Variants in MYH10 observed in about 807,000 individuals in gnomAD.
The protein encoded by MYH10 is myosin heavy chain 10, also known as myosin-10.
Under a neutral mutation model 257.8 loss-of-function variants are expected in MYH10, and 55 were observed. That is an observed-to-expected ratio of 0.21 (90% CI 0.17 to 0.27). The LOEUF (loss-of-function observed/expected upper bound fraction) is 0.27. Ranked by LOEUF, MYH10 falls within the 10% of genes least tolerant of loss-of-function variation. The pLI is 1.00. For missense variants in MYH10, 1,631 were observed against 2,500.6 expected (o/e 0.65, Z 7.42); for synonymous variants, 854 against 921.7 (o/e 0.93, Z 1.33).
At chr17:8,493,577 C>T (rs1916103622) in intron 32 of MYH10, among the ~76,000 whole-genome samples, 156 bp downstream of exon 32, 1 of 152,176 alleles carries the variant, frequency 6.6e-6, no homozygotes, top group African/African-American at 2.4e-5. Flanking sequence ...TTATAACCAG[C>T]ATGTGGCTGG....
At chr17:8,478,494 G>A in intron 40 of MYH10, 48 bp from the exon 41 acceptor site, 1 of 1,564,140 alleles carries the variant, frequency 6.4e-7, no homozygotes, top group Non-Finnish European at 8.8e-7. Context: ...ATGGTATTTT[G>A]TGTGGGAAAA....
At chr17:8,577,095 G>A in intron 5 of MYH10, 141 bp downstream of exon 5, 1 of 595,900 alleles carries the variant, frequency 1.7e-6, no homozygotes, top group South Asian at 2.9e-5. Context: ...AAAAAGCATT[G>A]CTGGGTAGGT....
chr17:8,515,548 T>TA (rs2081439449), intron 21 of MYH10, among the ~76,000 whole-genome samples: 2 of 140,258 alleles, frequency 1.4e-5, no homozygotes. Flanking sequence ...TTTTTTTTTT[T>TA]TTTTTTTTTT....
chr17:8,557,016 C>A (rs1017460414), intron 7 of MYH10, among the ~76,000 whole-genome samples: 1 of 152,068 alleles, frequency 6.6e-6, no homozygotes, highest in Non-Finnish European at 1.5e-5. Context: ...GCTTATGGTG[C>A]CAGGCAGCTT....
intron 1 of MYH10, among the ~76,000 whole-genome samples, chr17:8,628,885 A>G (rs891189580): frequency 3.3e-5 from 5 of 152,154 alleles, no homozygotes; most frequent in Non-Finnish European, 7.3e-5. Flanking sequence ...TGATTTCCCT[A>G]TGGAGCCCAA....
rs534698355 is a variant in MYH10 at position 8,571,059 on chromosome 17, A to T, written c.664-1247T>A. Among the ~76,000 whole-genome samples the T allele has an allele frequency of 8.4e-4, 128 of 152,298 alleles. 1 individual carries two copies. Among genetic ancestry groups the T allele is most frequent in the African/African-American group, 3.0e-3 (123 of 41,564 alleles). ...TTGTCAAGAACCTCAAGCTACGTGG[A>T]TGTCATTACATGGCATCGGTTTATT... On this transcript the variant is annotated intron_variant, in intron 6 of 42. Coordinates refer to ENST00000360416, the MANE Select transcript of MYH10 (RefSeq NM_001256012.3).
intron 30 of MYH10, 127 bp downstream of exon 30, chr17:8,499,143 C>T (rs760451247): frequency 2.5e-6 from 2 of 808,104 alleles, no homozygotes; most frequent in Non-Finnish European, 4.0e-6. Flanking sequence ...GATGTATTTA[C>T]TGGATAGCAA....
At chr17:8,479,838 G>C (rs1464173987) in intron 40 of MYH10, among the ~76,000 whole-genome samples, 1 of 152,210 alleles carries the variant, frequency 6.6e-6, no homozygotes, top group Non-Finnish European at 1.5e-5. Flanking sequence ...TCGACTTTGG[G>C]TAGGAGATGC....
At chr17:8,544,703 T>C (rs1822971287) in intron 13 of MYH10, among the ~76,000 whole-genome samples, 1 of 152,196 alleles carries the variant, frequency 6.6e-6, no homozygotes, top group Non-Finnish European at 1.5e-5. Context: ...TTTACATCTA[T>C]ATTTATGGAA....
intron 35 of MYH10, among the ~76,000 whole-genome samples, chr17:8,489,747 C>CACACACACACACACACACACA (rs1567784631): frequency 2.5e-5 from 2 of 79,724 alleles, no homozygotes; most frequent in African/African-American, 1.2e-4. Flanking sequence ...ACACACACAC[C>CACACACACACACACACACACA]CCAAATCCAA....
chr17:8,589,404 C>T (rs754283657), intron 3 of MYH10, among the ~76,000 whole-genome samples: 9 of 152,146 alleles, frequency 5.9e-5, no homozygotes, highest in African/African-American at 1.7e-4. Context: ...CAAACCCTGC[C>T]GCATACAAAT....
Position 8,613,669 on chromosome 17 carries a change from G to A in MYH10, c.346-8687C>T, listed in dbSNP as rs146000000. Among the ~76,000 whole-genome samples the A allele has an allele frequency of 7.9e-5, 12 of 152,180 alleles. No individual in the cohort carries two copies. The East Asian group carries it at 1.9e-3, about 24-fold the overall frequency. Reference sequence around the variant, plus strand: ...AAAGATTAAAAAATAAACATAGAGCGGGTAGGATAAAAAGAAAGCAATGAA... The same window carrying A: ...AAAGATTAAAAAATAAACATAGAGCAGGTAGGATAAAAAGAAAGCAATGAA... On this transcript the variant is annotated intron_variant, in intron 2 of 42. Transcript: ENST00000360416.
At chr17:8,603,005 AGAG>A (rs2084669415) in intron 3 of MYH10, among the ~76,000 whole-genome samples, 1 of 152,252 alleles carries the variant, frequency 6.6e-6, no homozygotes, top group Admixed American at 6.5e-5. Flanking sequence ...TGTTTACTAA[AGAG>A]GAGTTTTCAC....
At chr17:8,530,039 G>A (rs1226348766) in intron 17 of MYH10, among the ~76,000 whole-genome samples, 1 of 152,176 alleles carries the variant, frequency 6.6e-6, no homozygotes, top group Non-Finnish European at 1.5e-5. Context: ...AGGCCTTGTA[G>A]ATAGTTTCAG....
chr17:8,536,598 A>G (rs2082145446), intron 14 of MYH10, among the ~76,000 whole-genome samples: 1 of 152,130 alleles, frequency 6.6e-6, no homozygotes, highest in Non-Finnish European at 1.5e-5. Flanking sequence ...CAGGGGTTTG[A>G]GACCAGCCTG....
chr17:8,548,224 G>A lies in MYH10; in HGVS notation c.1159+89C>T, dbSNP rs1436890756. ...CAAGGGTCCCTTCAGAAATGCTTCA[G>A]AGGTGCTTTTACGCTTGCACTGTAA... On this transcript the variant is annotated intron_variant, in intron 11 of 42. Transcript: ENST00000360416. The A allele has an allele frequency of 1.3e-5, 12 of 915,202 alleles. No individual in the cohort carries two copies. In the East Asian group the frequency reaches 2.9e-4, roughly 22 times the overall value. The allele number at this position is 915,202 out of a possible 1,614,324, so 56.7% of individuals were successfully genotyped here.
intron 17 of MYH10, among the ~76,000 whole-genome samples, chr17:8,527,729 T>G (rs751571804): frequency 2.6e-5 from 4 of 152,218 alleles, no homozygotes; most frequent in Non-Finnish European, 4.4e-5. Flanking sequence ...GTTGCCTCAG[T>G]TGATACTCAC....
intron 17 of MYH10, among the ~76,000 whole-genome samples, chr17:8,526,438 A>C (rs894526264): frequency 6.6e-6 from 1 of 152,188 alleles, no homozygotes; most frequent in Non-Finnish European, 1.5e-5. Flanking sequence ...CTTGCACTGT[A>C]AATTCTTCTA....
intron 17 of MYH10, among the ~76,000 whole-genome samples, chr17:8,530,412 T>G (rs1208390501): frequency 6.6e-6 from 1 of 152,182 alleles, no homozygotes; most frequent in Non-Finnish European, 1.5e-5. Flanking sequence ...GCTTATGCAC[T>G]CAAACATTTG....
Sources: gnomAD v4.1 joint callset for allele counts (sites outside exome capture counted in the v4.1 genomes callset) on GRCh38, gnomAD v4.1.1 for gene constraint, MANE v1.5 for transcripts, NCBI Gene and HGNC (gene_info 2026-07-23, HGNC 2026-07-21) for gene names.